The following SYCP2 variants were observed in gnomAD, a reference collection of about 807,000 sequenced individuals.
The protein encoded by SYCP2 is synaptonemal complex protein 2, also known as synaptonemal complex lateral element protein.
Under a neutral mutation model 211.3 loss-of-function variants are expected in SYCP2, and 55 were observed. The ratio of observed to expected loss-of-function variants is 0.26; its 90% CI spans 0.21 to 0.33. The LOEUF (loss-of-function observed/expected upper bound fraction) is 0.33, where lower values mean the gene tolerates loss of function less well. Among genes scored for constraint, SYCP2 ranks in the 10% least tolerant of loss-of-function variants. The pLI is 1.00. For missense variants in SYCP2, 1,731 were observed against 1,752.0 expected (o/e 0.99, Z 0.21); for synonymous variants, 570 against 555.2 (o/e 1.03, Z -0.37).
chr20:59,881,765 T>TAA lies in SYCP2; in HGVS notation c.2658+179_2658+180insTT, dbSNP rs544557299. ...CTCTACCTTATTCCTAAACAAAAAT[T>TAA]TAAAAAAAAAAAAAGCCACCTAAAT... On this transcript the variant is annotated intron_variant, in intron 28 of 44. Coordinates refer to ENST00000357552, the MANE Select transcript of SYCP2 (RefSeq NM_014258.4). Among the ~76,000 whole-genome samples the TAA allele has an allele frequency of 5.3e-4, 78 of 146,784 alleles. 1 individual carries two copies. In the South Asian group the frequency reaches 0.016, roughly 30 times the overall value.
chr20:59,902,416 G>A (rs541779007), intron 15 of SYCP2, among the ~76,000 whole-genome samples: 1 of 152,072 alleles, frequency 6.6e-6, no homozygotes, highest in East Asian at 1.9e-4. Flanking sequence ...AAATTACCTG[G>A]CCCCTAATAA....
At position 59,880,394 on chromosome 20, in the gene SYCP2, A is replaced by G; in HGVS notation, c.2850T>C (p.Asp950=). 1 of 1,602,468 alleles carries G rather than the reference A, an allele frequency of 6.2e-7. No individual in the cohort carries two copies. Among genetic ancestry groups the G allele is most frequent in the African/African-American group, 1.3e-5 (1 of 74,890 alleles). ...ATTTCGGTTCTCTTAGCCAGCTAAT[A>G]TCAGTCTTGCTGTCATCACATCTGT... ...TEYRCDDSKT[D]ISWLREPKSK... The change falls in exon 31 of 45, where the codon GAT becomes GAC. Residue 950 remains aspartate (D), a synonymous_variant. Transcript: ENST00000357552.
intron 2 of SYCP2, among the ~76,000 whole-genome samples, chr20:59,929,388 G>A (rs1405954691): frequency 1.3e-5 from 2 of 152,164 alleles, no homozygotes; most frequent in African/African-American, 4.8e-5. Context: ...TGACACAGTA[G>A]TTCCACTTCT....
chr20:59,874,195 T>G, intron 34 of SYCP2, 134 bp from the exon 35 acceptor site: 1 of 507,390 alleles, frequency 2.0e-6, no homozygotes, highest in South Asian at 4.3e-5. Context: ...AAAGGATAGC[T>G]TTAAAAATAT....
rs2059930194 is a variant in SYCP2, at chr20:59,892,711, AAATT to A, written c.1794-14_1794-11del. 2 of 1,597,662 alleles carry A rather than the reference AAATT, an allele frequency of 1.3e-6. No homozygotes were observed. Among genetic ancestry groups the A allele is most frequent in the Non-Finnish European group, 1.7e-6 (2 of 1,173,926 alleles). ...TAAAACACCAGGTAATCTAGAAAAT[AAATT>A]AATTTGCTTAATGTTACAAAACATT... On this transcript the variant is annotated splice_polypyrimidine_tract_variant and intron_variant, in intron 22 of 44. Coordinates refer to ENST00000357552, the MANE Select transcript of SYCP2 (RefSeq NM_014258.4).
chr20:59,890,340 T>C (rs555692079), intron 24 of SYCP2, among the ~76,000 whole-genome samples: 1 of 151,236 alleles, frequency 6.6e-6, no homozygotes, highest in South Asian at 2.1e-4. Context: ...TAAGTGGGAG[T>C]TGAATAATAA....
intron 2 of SYCP2, among the ~76,000 whole-genome samples, chr20:59,928,001 C>G (rs2060665901): frequency 6.6e-6 from 1 of 152,142 alleles, no homozygotes; most frequent in Non-Finnish European, 1.5e-5. Context: ...AGGTCTAACT[C>G]AATTACCTTG....
intron 24 of SYCP2, among the ~76,000 whole-genome samples, chr20:59,889,789 A>G (rs6027173): frequency 0.12 from 18,926 of 152,022 alleles, 2,713 homozygotes; most frequent in African/African-American, 0.35. Flanking sequence ...CTGAACTACC[A>G]AGGTTGCTCT....
intron 5 of SYCP2, 23 bp downstream of exon 5, chr20:59,920,336 T>C: frequency 1.9e-6 from 3 of 1,542,390 alleles, no homozygotes; most frequent in East Asian, 2.3e-5. Context: ...TTCACATGAA[T>C]ATGTTACATA....
At chr20:59,916,414 G>A in intron 8 of SYCP2, 72 bp downstream of exon 8, 1 of 836,916 alleles carries the variant, frequency 1.2e-6, no homozygotes, top group South Asian at 1.5e-5. Flanking sequence ...GAAATAAATT[G>A]TCAATTTAAT....
In SYCP2 at chr20:59,916,060, T is replaced by G. The variant is rs978370669; in HGVS notation, c.513+426A>C. On this transcript the variant is annotated intron_variant, in intron 8 of 44. Transcript: ENST00000357552. ...AACATAAACTATAGAATATCAAAAATAGAATATAACATGACTCCGATACTT... is the reference window on the plus strand; with the variant it reads ...AACATAAACTATAGAATATCAAAAAGAGAATATAACATGACTCCGATACTT... Among the ~76,000 whole-genome samples, 9 of 152,140 alleles carry G rather than the reference T, an allele frequency of 5.9e-5. No homozygotes were observed. In the South Asian group the frequency reaches 6.2e-4, roughly 11 times the overall value.
intron 1 of SYCP2, among the ~76,000 whole-genome samples, chr20:59,932,363 C>A (rs1301939390): frequency 6.6e-6 from 1 of 152,056 alleles, no homozygotes; most frequent in Non-Finnish European, 1.5e-5. Flanking sequence ...GGGAAGGCGT[C>A]CTCCTCCTCC....
intron 15 of SYCP2, among the ~76,000 whole-genome samples, chr20:59,903,148 G>A (rs2060147603): frequency 6.6e-6 from 1 of 151,570 alleles, no homozygotes; most frequent in Non-Finnish European, 1.5e-5. Context: ...AGAAATTTAT[G>A]AATATTTGTT....
At chr20:59,895,740 T>G (rs574279852) in intron 19 of SYCP2, 143 bp from the exon 20 acceptor site, 4 of 929,380 alleles carry the variant, frequency 4.3e-6, no homozygotes, top group Non-Finnish European at 6.6e-6. Context: ...TGAATATAGA[T>G]GCCATCTACC....
rs574877303 is a variant in SYCP2, at chr20:59,901,398, T to C, written c.1182+264A>G. 2.6e-5 allele frequency among the ~76,000 whole-genome samples: 4 copies of C among 152,238 alleles called. No individual in the cohort carries two copies. In the East Asian group the frequency reaches 7.7e-4, roughly 29 times the overall value. ...TTAAGATCTTGAAAACAGTGTTTTC[T>C]CTCATTTTACTTTTTAAACACCTGG... On this transcript the variant is annotated intron_variant, in intron 16 of 44. Transcript: ENST00000357552.
intron 2 of SYCP2, among the ~76,000 whole-genome samples, chr20:59,930,404 A>G (rs1404628557): frequency 6.6e-6 from 1 of 151,578 alleles, no homozygotes; most frequent in Non-Finnish European, 1.5e-5. Flanking sequence ...TAGGTAAGAG[A>G]AAAGAGATAT....
chr20:59,890,464 G>T (rs2145724548), intron 24 of SYCP2, among the ~76,000 whole-genome samples: 1 of 152,168 alleles, frequency 6.6e-6, no homozygotes, highest in East Asian at 1.9e-4. Flanking sequence ...GGGTTGATGG[G>T]TGCTGCAAAC....
chr20:59,913,887 G>C, intron 12 of SYCP2, 88 bp downstream of exon 12: 1 of 935,676 alleles, frequency 1.1e-6, no homozygotes, highest in Non-Finnish European at 1.6e-6. Flanking sequence ...CAAGAATAAA[G>C]TTAAATGTAT....
At chr20:59,918,886 T>C (rs969455595) in intron 7 of SYCP2, among the ~76,000 whole-genome samples, 2 of 152,092 alleles carry the variant, frequency 1.3e-5, no homozygotes, top group African/African-American at 4.8e-5. Flanking sequence ...TGTACAACTA[T>C]TATATTTTCA....
Sources: gnomAD v4.1 joint callset for allele counts (sites outside exome capture counted in the v4.1 genomes callset) on GRCh38, gnomAD v4.1.1 for gene constraint, MANE v1.5 for transcripts, NCBI Gene and HGNC (gene_info 2026-07-23, HGNC 2026-07-21) for gene names.